The following CNTN6 variants were observed in gnomAD, a reference collection of about 807,000 sequenced individuals.
CNTN6 encodes the protein contactin 6.
Under a neutral mutation model 122.8 loss-of-function variants are expected in CNTN6, and 137 were observed. That is an observed-to-expected ratio of 1.12 (90% confidence interval 0.97 to 1.29). CNTN6 has a LOEUF of 1.29. Ranked by LOEUF, CNTN6 falls within the 50% of genes most tolerant of loss-of-function variation. CNTN6 has a pLI of 0.00. For missense variants in CNTN6, 1,634 were observed against 1,223.4 expected, an observed-to-expected ratio of 1.34 and a Z score of -5.01; for synonymous variants, 570 against 426.0, an observed-to-expected ratio of 1.34 and a Z score of -4.16.
At chr3:1,224,764 T>C (rs1421476868) in intron 3 of CNTN6, among the ~76,000 whole-genome samples, 2 of 152,106 alleles carry the variant, frequency 1.3e-5, no homozygotes, top group Admixed American at 1.3e-4. Flanking sequence ...GTTTTTGTTT[T>C]TGAGACAGTC....
At chr3:1,124,084 G>A (rs1437798185) in intron 1 of CNTN6, among the ~76,000 whole-genome samples, 7 of 151,840 alleles carry the variant, frequency 4.6e-5, no homozygotes, top group Admixed American at 3.9e-4. Context: ...TTGGACTAGA[G>A]GTGATTTTGG....
chr3:1,230,099 T>C (rs2094335252), intron 4 of CNTN6, among the ~76,000 whole-genome samples: 1 of 152,156 alleles, frequency 6.6e-6, no homozygotes, highest in Admixed American at 6.6e-5. Context: ...GAACTGTACC[T>C]TCATCTTAAT....
At chr3:1,339,021 T>G (rs1703503277) in intron 11 of CNTN6, among the ~76,000 whole-genome samples, 1 of 151,972 alleles carries the variant, frequency 6.6e-6, no homozygotes, top group Non-Finnish European at 1.5e-5. Flanking sequence ...GAAATCAGTC[T>G]CATTAAAACC....
intron 11 of CNTN6, among the ~76,000 whole-genome samples, chr3:1,338,617 A>G (rs1414079682): frequency 6.6e-6 from 1 of 152,094 alleles, no homozygotes; most frequent in Non-Finnish European, 1.5e-5. Context: ...CTTTTTGAAA[A>G]TGTGAATATA....
chr3:1,098,886 C>T (rs1054983833), intron 1 of CNTN6, among the ~76,000 whole-genome samples: 1 of 146,848 alleles, frequency 6.8e-6, no homozygotes, highest in Admixed American at 6.9e-5. Flanking sequence ...CCCAGAATTA[C>T]CAAATGCTAA....
At position 1,207,722 on chromosome 3, in the gene CNTN6, T is replaced by C. The variant is rs539389240; in HGVS notation, c.56-12965T>C. On this transcript the variant is annotated intron_variant, in intron 2 of 22. Transcript: ENST00000446702. Reference sequence around the variant, plus strand: ...GACTCAAAGTTATCTGTTTTGTTCATTGCTGTATTTTCAGGCTCTAAGATG... The same window carrying C: ...GACTCAAAGTTATCTGTTTTGTTCACTGCTGTATTTTCAGGCTCTAAGATG... Among the ~76,000 whole-genome samples, 12 of 152,256 alleles carry C rather than the reference T, an allele frequency of 7.9e-5. No individual in the cohort carries two copies. The South Asian group carries it at 2.3e-3, about 29-fold the overall frequency.
chr3:1,401,046 T>C (rs1695629704), intron 20 of CNTN6, among the ~76,000 whole-genome samples: 2 of 152,122 alleles, frequency 1.3e-5, no homozygotes, highest in Admixed American at 1.3e-4. Flanking sequence ...CATCTATGTG[T>C]TGATATATAT....
At chr3:1,188,543 T>A (rs13088259) in intron 2 of CNTN6, among the ~76,000 whole-genome samples, 3 of 152,228 alleles carry the variant, frequency 2.0e-5, no homozygotes, top group Non-Finnish European at 4.4e-5. Context: ...GTTTCTGTGG[T>A]CTCCATGGAC....
chr3:1,373,007 G>A, intron 14 of CNTN6, 52 bp downstream of exon 14: 1 of 1,025,970 alleles, frequency 9.7e-7, no homozygotes, highest in Non-Finnish European at 1.5e-6. Flanking sequence ...CAGTTACAGT[G>A]TTCATATCTA....
chr3:1,158,795 T>C (rs1213432655), intron 2 of CNTN6, among the ~76,000 whole-genome samples: 24 of 40,418 alleles, frequency 5.9e-4, no homozygotes, highest in Non-Finnish European at 7.7e-4. Context: ...TATATGTGTA[T>C]ATATATACAC....
chr3:1,357,972 G>C (rs1449333307), intron 12 of CNTN6, among the ~76,000 whole-genome samples: 1 of 151,532 alleles, frequency 6.6e-6, no homozygotes, highest in East Asian at 1.9e-4. Context: ...ACAAGATATA[G>C]AACATCATTA....
At chr3:1,317,606 G>T (rs773217687) in intron 7 of CNTN6, among the ~76,000 whole-genome samples, 2 of 151,600 alleles carry the variant, frequency 1.3e-5, no homozygotes, top group African/African-American at 4.8e-5. Flanking sequence ...GAAAATTATT[G>T]ACTAGAATCT....
At chr3:1,379,437 G>A (rs1388404011) in intron 17 of CNTN6, among the ~76,000 whole-genome samples, 1 of 152,076 alleles carries the variant, frequency 6.6e-6, no homozygotes, top group Non-Finnish European at 1.5e-5. Context: ...GAGGAAGGGC[G>A]AGGGTTGAAA....
chr3:1,307,345 G>A (rs379177), intron 7 of CNTN6, among the ~76,000 whole-genome samples: 42,009 of 151,976 alleles, frequency 0.28, 8,952 homozygotes, highest in African/African-American at 0.6. Flanking sequence ...TTGTATTTCT[G>A]AGAAATGGAA....
At chr3:1,321,603 C>T in intron 7 of CNTN6, 47 bp from the exon 8 acceptor site, 2 of 1,478,294 alleles carry the variant, frequency 1.4e-6, no homozygotes, top group African/African-American at 1.4e-5. Context: ...ATTTTGCTGT[C>T]ATAAAGATTA....
intron 5 of CNTN6, among the ~76,000 whole-genome samples, chr3:1,286,692 A>G (rs1694401279): frequency 2.0e-5 from 3 of 152,206 alleles, no homozygotes; most frequent in Admixed American, 2.0e-4. Context: ...TTAACCTTAA[A>G]TGTAAACAGG....
intron 1 of CNTN6, among the ~76,000 whole-genome samples, chr3:1,106,078 A>G (rs2091205905): frequency 6.6e-6 from 1 of 152,130 alleles, no homozygotes; most frequent in Non-Finnish European, 1.5e-5. Context: ...TTTGGAGGTA[A>G]TCTATATTGT....
At chr3:1,300,472 GAAGGAAGGAAGGAAGGAAGGAAAAA>G (rs1697040384) in intron 7 of CNTN6, among the ~76,000 whole-genome samples, 1 of 140,214 alleles carries the variant, frequency 7.1e-6, no homozygotes, top group African/African-American at 3.0e-5. Context: ...AGGAAGGAAG[GAAGGAAGGAAGGAAGGAAGGAAAAA>G]GAAAAGAAAG....
In CNTN6 at chr3:1,383,248, T is replaced by G. The variant is rs367589351; in HGVS notation, c.2402-45T>G. ...TTGTGTTCCCTTGTTCCATTTTCAA[T>G]GAACCACTCTGCTAAAGATGGTTAT... On this transcript the variant is annotated intron_variant, in intron 18 of 22. Transcript: ENST00000446702. The G allele has an allele frequency of 1.3e-5, 21 of 1,596,216 alleles. 1 individual carries two copies. In the South Asian group the frequency reaches 1.9e-4, roughly 14 times the overall value.
Sources: gnomAD v4.1 joint callset for allele counts (sites outside exome capture counted in the v4.1 genomes callset) on GRCh38, gnomAD v4.1.1 for gene constraint, MANE v1.5 for transcripts, NCBI Gene and HGNC (gene_info 2026-07-23, HGNC 2026-07-21) for gene names.